The following KDM4B variants were observed in gnomAD, a reference collection of about 807,000 sequenced individuals.
KDM4B encodes the protein lysine-specific demethylase 4B.
KDM4B carries 32 observed loss-of-function variants against 125.2 expected under a neutral mutation model. The observed-to-expected ratio is 0.26, with a 90% confidence interval of 0.19 to 0.34. KDM4B has a LOEUF of 0.34. KDM4B is among the 10% of genes least tolerant of loss of function. The probability of loss-of-function intolerance (pLI) is 1.00; values close to 1 mark genes in which losing one functional copy is unlikely to be tolerated. For synonymous variants in KDM4B, 721 were observed against 677.9 expected (o/e 1.06, Z -0.99); for missense variants, 1,190 against 1,577.7 (o/e 0.75, Z 4.16).
intron 2 of KDM4B, among the ~76,000 whole-genome samples, chr19:5,030,576 C>G (rs2036420076): frequency 6.6e-6 from 1 of 152,362 alleles, no homozygotes; most frequent in Admixed American, 6.5e-5. Context: ...CACCGGCCTG[C>G]AGAGAGGCAG....
At chr19:5,101,846 G>A (rs1020131735) in intron 9 of KDM4B, among the ~76,000 whole-genome samples, 1 of 152,200 alleles carries the variant, frequency 6.6e-6, no homozygotes, top group East Asian at 1.9e-4. Context: ...GGGCCAGCCG[G>A]ATTGCACAGG....
chr19:5,048,857 C>T (rs1031556007), intron 6 of KDM4B, among the ~76,000 whole-genome samples: 2 of 151,988 alleles, frequency 1.3e-5, no homozygotes, highest in South Asian at 2.1e-4. Context: ...CCCTGTGGGG[C>T]GGGAAGTGGC....
intron 9 of KDM4B, among the ~76,000 whole-genome samples, chr19:5,092,457 C>T (rs2038728947): frequency 6.6e-6 from 1 of 152,218 alleles, no homozygotes; most frequent in Admixed American, 6.5e-5. Context: ...GGATCACGCC[C>T]TCTAATACCC....
At chr19:5,000,959 A>G (rs1212729434) in intron 1 of KDM4B, among the ~76,000 whole-genome samples, 1 of 152,126 alleles carries the variant, frequency 6.6e-6, no homozygotes, top group Non-Finnish European at 1.5e-5. Flanking sequence ...CCCTGCAGGA[A>G]AGGAATCTCG....
At chr19:5,049,877 TACC>T (rs2037163685) in intron 6 of KDM4B, among the ~76,000 whole-genome samples, 1 of 152,142 alleles carries the variant, frequency 6.6e-6, no homozygotes, top group African/African-American at 2.4e-5. Flanking sequence ...GGGAGCTGAC[TACC>T]CCTCCAGGCT....
chr19:5,068,980 G>A (rs2037862519), intron 6 of KDM4B, among the ~76,000 whole-genome samples: 1 of 152,110 alleles, frequency 6.6e-6, no homozygotes, highest in South Asian at 2.1e-4. Flanking sequence ...GTTCCTTCCC[G>A]TCCCCAGCAT....
intron 6 of KDM4B, among the ~76,000 whole-genome samples, chr19:5,064,288 C>T (rs2037697783): frequency 6.6e-6 from 1 of 152,244 alleles, no homozygotes. Context: ...CGGGCTCTGC[C>T]TCCCTCATTC....
chr19:5,097,770 A>G (rs1430373851), intron 9 of KDM4B, among the ~76,000 whole-genome samples: 1 of 152,208 alleles, frequency 6.6e-6, no homozygotes, highest in African/African-American at 2.4e-5. Context: ...TACTGGGTGC[A>G]GTGTTGGCTG....
Position 5,150,401 on chromosome 19 carries a change from A to T in KDM4B, c.3065A>T (p.Asp1022Val). 1 of 1,551,278 alleles carries T rather than the reference A, an allele frequency of 6.4e-7. No homozygotes were observed. The highest frequency in any genetic ancestry group is 8.7e-7 in the Non-Finnish European group (1 of 1,146,946). The change falls in exon 22 of 23, where the codon GAC becomes GTC. Residue 1022 changes from aspartate (D) to valine (V), a missense_variant. Around this residue, in one of 7 missense-constraint regions of KDM4B, gnomAD observed 298 missense variants for 439.7 expected, o/e 0.68. Coordinates refer to ENST00000159111, the MANE Select transcript of KDM4B (RefSeq NM_015015.3). ...TCCCAGCTGACGGTGAAGCGTGGGG[A>T]CATCTTCACCCTGGAGGAGGAGCTG... ...DGSQLTVKRG[D>V]IFTLEEELPK...
At chr19:4,977,727 T>G (rs1205626896) in intron 1 of KDM4B, among the ~76,000 whole-genome samples, 1 of 152,094 alleles carries the variant, frequency 6.6e-6, no homozygotes, top group Non-Finnish European at 1.5e-5. Flanking sequence ...GACCCCTTGA[T>G]CATGGCGGGA....
chr19:5,101,456 G>A (rs1170545082), intron 9 of KDM4B, among the ~76,000 whole-genome samples: 3 of 151,708 alleles, frequency 2.0e-5, no homozygotes, highest in Non-Finnish European at 2.9e-5. Context: ...CCAGGACTTC[G>A]GGGTCGGCAG....
chr19:5,094,597 T>C (rs1437211114), intron 9 of KDM4B, among the ~76,000 whole-genome samples: 1 of 126,348 alleles, frequency 7.9e-6, no homozygotes, highest in African/African-American at 3.1e-5. Flanking sequence ...GTTTTAGGGG[T>C]GGTGCCTGTA....
At chr19:5,105,793 C>T (rs2039022530) in intron 9 of KDM4B, among the ~76,000 whole-genome samples, 1 of 152,212 alleles carries the variant, frequency 6.6e-6, no homozygotes, top group African/African-American at 2.4e-5. Context: ...ACAGGCCGTG[C>T]ATTCCCCATC....
chr19:5,049,011 G>A (rs2037132226), intron 6 of KDM4B, among the ~76,000 whole-genome samples: 2 of 152,182 alleles, frequency 1.3e-5, no homozygotes, highest in Admixed American at 6.5e-5. Flanking sequence ...GAGGGGCCCC[G>A]GGGGTTGCTG....
At chr19:5,086,930 A>G (rs1009170704) in intron 9 of KDM4B, among the ~76,000 whole-genome samples, 5 of 152,226 alleles carry the variant, frequency 3.3e-5, no homozygotes, top group Admixed American at 1.3e-4. Flanking sequence ...GTAAAATCCC[A>G]GAGAAATACG....
intron 2 of KDM4B, among the ~76,000 whole-genome samples, chr19:5,023,918 C>T (rs1450299825): frequency 2.0e-5 from 3 of 151,856 alleles, no homozygotes; most frequent in Admixed American, 6.6e-5. Context: ...CCACGCCTGG[C>T]TGATTTTTAA....
At chr19:5,084,510 A>G (rs1776074049) in intron 9 of KDM4B, among the ~76,000 whole-genome samples, 1 of 87,958 alleles carries the variant, frequency 1.1e-5, no homozygotes, top group Non-Finnish European at 2.1e-5. Flanking sequence ...TATATTATAT[A>G]TAAATATAAA....
chr19:5,131,962 C>T lies in KDM4B; in HGVS notation c.1861C>T (p.Arg621Trp). ...CCATCCCCTGGGCCGGCCGCCCACC[C>T]GGTCCCCACTGTCGGTGGTGAAGCA... ...RRHPLGRPPT[R>W]SPLSVVKQEA... Residue 621 changes from arginine (R) to tryptophan (W), a missense_variant, in exon 13 of 23, where the codon CGG becomes TGG. By Grantham distance (101) the Arg-to-Trp change is moderately radical (BLOSUM62 -3). Transcript: ENST00000159111. 1 of 1,611,868 alleles carries T rather than the reference C, an allele frequency of 6.2e-7. No homozygotes were observed.
intron 2 of KDM4B, among the ~76,000 whole-genome samples, chr19:5,032,275 G>A (rs1039335716): frequency 2.0e-5 from 3 of 152,202 alleles, no homozygotes; most frequent in Non-Finnish European, 4.4e-5. Flanking sequence ...CGTGACTCTG[G>A]GCAGCTATGA....
Sources: gnomAD v4.1 joint callset for allele counts (sites outside exome capture counted in the v4.1 genomes callset) on GRCh38, gnomAD v4.1.1 for gene constraint, gnomAD v4.1.1 regional missense constraint, MANE v1.5 for transcripts, NCBI Gene and HGNC (gene_info 2026-07-23, HGNC 2026-07-21) for gene names.